RSRC1: variants seen among roughly 807,000 people sequenced by gnomAD.
RSRC1 encodes serine/Arginine-related protein 53.
In RSRC1, 39 loss-of-function variants were observed where a neutral mutation model predicts 49.1. The observed-to-expected ratio is 0.79, with a 90% CI of 0.61 to 1.04. RSRC1 has a LOEUF of 1.04. Among genes scored for constraint, RSRC1 ranks in the 50% least tolerant of loss-of-function variants. The pLI is 0.00. For missense variants in RSRC1, 388 were observed against 402.4 expected, an observed-to-expected ratio of 0.96 and a Z score of 0.31; for synonymous variants, 143 against 130.8, an observed-to-expected ratio of 1.09 and a Z score of -0.63.
chr3:158,294,033 A>G (rs1368766125), intron 4 of RSRC1, among the ~76,000 whole-genome samples: 12 of 152,226 alleles, frequency 7.9e-5, no homozygotes, highest in South Asian at 2.1e-4. Context: ...TCAGCACTCT[A>G]TGTGCCCTTT....
chr3:158,433,502 G>A (rs564302141), intron 6 of RSRC1, among the ~76,000 whole-genome samples: 11 of 152,100 alleles, frequency 7.2e-5, no homozygotes, highest in Admixed American at 2.6e-4. Context: ...AAACTGGTGA[G>A]GCTGCTCTTG....
At chr3:158,252,732 G>A (rs779825199) in intron 4 of RSRC1, among the ~76,000 whole-genome samples, 2 of 152,146 alleles carry the variant, frequency 1.3e-5, no homozygotes, top group South Asian at 4.1e-4. Context: ...TCTTTACCGG[G>A]AGACTTTTTA....
intron 6 of RSRC1, among the ~76,000 whole-genome samples, chr3:158,456,607 G>C (rs944429117): frequency 3.9e-5 from 6 of 152,154 alleles, no homozygotes; most frequent in Non-Finnish European, 7.3e-5. Context: ...TATCCACTTG[G>C]GGACAAAGGT....
Position 158,454,038 on chromosome 3 carries a change from TCA to T in RSRC1, c.584-6894_584-6893del, listed in dbSNP as rs906980522. Among the ~76,000 whole-genome samples the T allele has an allele frequency of 7.0e-4, 107 of 152,230 alleles. 1 individual carries two copies. The highest frequency in any genetic ancestry group is 2.5e-3 in the African/African-American group (102 of 41,520). On this transcript the variant is annotated intron_variant, in intron 6 of 9. Transcript: ENST00000611884. ...ATGCTTTTTGGTATTTCTTGGTATT[TCA>T]CAGTTTCACCACAATTTGCTTATGT...
intron 6 of RSRC1, among the ~76,000 whole-genome samples, chr3:158,396,586 T>C (rs1345984321): frequency 6.6e-6 from 1 of 152,118 alleles, no homozygotes; most frequent in Non-Finnish European, 1.5e-5. Context: ...CATCACAATA[T>C]TTTTAAGTCA....
chr3:158,412,243 A>G (rs1734501469), intron 6 of RSRC1, among the ~76,000 whole-genome samples: 1 of 152,178 alleles, frequency 6.6e-6, no homozygotes, highest in Non-Finnish European at 1.5e-5. Flanking sequence ...GGAGAAAACT[A>G]GAGGAAGAAG....
At chr3:158,157,852 T>C (rs1323649390) in intron 3 of RSRC1, among the ~76,000 whole-genome samples, 1 of 151,904 alleles carries the variant, frequency 6.6e-6, no homozygotes, top group Non-Finnish European at 1.5e-5. Flanking sequence ...GAGGTGGAGG[T>C]TGTGATGATC....
chr3:158,349,821 C>T (rs1023026818), intron 5 of RSRC1, among the ~76,000 whole-genome samples: 1 of 151,020 alleles, frequency 6.6e-6, no homozygotes, highest in Non-Finnish European at 1.5e-5. Context: ...CCTCAACCTC[C>T]TGAGTAACTG....
chr3:158,328,772 G>T (rs1017342052), intron 5 of RSRC1, among the ~76,000 whole-genome samples: 5 of 152,128 alleles, frequency 3.3e-5, no homozygotes, highest in African/African-American at 9.7e-5. Flanking sequence ...TCCTGAATTT[G>T]AATGTTGGCC....
intron 5 of RSRC1, among the ~76,000 whole-genome samples, chr3:158,345,249 A>G (rs1730485380): frequency 6.6e-6 from 1 of 151,956 alleles, no homozygotes; most frequent in Non-Finnish European, 1.5e-5. Flanking sequence ...AATCCAATCT[A>G]AGAGAAGGCA....
chr3:158,210,408 A>G (rs1377418816), intron 4 of RSRC1, among the ~76,000 whole-genome samples: 1 of 151,344 alleles, frequency 6.6e-6, no homozygotes, highest in Non-Finnish European at 1.5e-5. Context: ...CCAGTGGCGA[A>G]GGGTAAATGT....
rs529226630 is a variant in RSRC1, at chr3:158,141,240, T to A, written c.320+17249T>A. Among the ~76,000 whole-genome samples, 5 of 152,296 alleles carry A rather than the reference T, an allele frequency of 3.3e-5. No individual in the cohort carries two copies. The South Asian group carries it at 1.0e-3, about 32-fold the overall frequency. On this transcript the variant is annotated intron_variant, in intron 3 of 9. Transcript: ENST00000611884. Reference sequence around the variant, plus strand: ...TGCTTTATCCAAAGGATGGAGAAAATTCCAGTTTTTTTGGATCATGGCAGG... The same window carrying A: ...TGCTTTATCCAAAGGATGGAGAAAAATCCAGTTTTTTTGGATCATGGCAGG...
intron 4 of RSRC1, among the ~76,000 whole-genome samples, chr3:158,208,928 A>C (rs1721502971): frequency 6.6e-6 from 1 of 152,116 alleles, no homozygotes; most frequent in Non-Finnish European, 1.5e-5. Flanking sequence ...CTACATCTTG[A>C]TCCAAACTGC....
chr3:158,123,738 C>A, intron 2 of RSRC1, 128 bp from the exon 3 acceptor site: 2 of 793,610 alleles, frequency 2.5e-6, no homozygotes, highest in Non-Finnish European at 3.9e-6. Context: ...TTTAATTTAT[C>A]TCTGTTTGCT....
At chr3:158,457,922 T>C (rs1051598768) in intron 6 of RSRC1, among the ~76,000 whole-genome samples, 1 of 152,236 alleles carries the variant, frequency 6.6e-6, no homozygotes, top group Non-Finnish European at 1.5e-5. Flanking sequence ...TGTGAGACTT[T>C]AATATATTTA....
chr3:158,519,074 A>G (rs1262571778), intron 7 of RSRC1, among the ~76,000 whole-genome samples: 2 of 152,118 alleles, frequency 1.3e-5, no homozygotes, highest in African/African-American at 2.4e-5. Flanking sequence ...GAACTCAACT[A>G]CACCCATTCA....
At chr3:158,436,794 A>G (rs963015394) in intron 6 of RSRC1, among the ~76,000 whole-genome samples, 21 of 151,988 alleles carry the variant, frequency 1.4e-4, no homozygotes, top group African/African-American at 4.3e-4. Flanking sequence ...CTATAATACT[A>G]TTGTGAGTGG....
In RSRC1 at chr3:158,351,052, G is replaced by A. The variant is rs189259028; in HGVS notation, c.532-3805G>A. Among the ~76,000 whole-genome samples, 4 of 151,970 alleles carry A rather than the reference G, an allele frequency of 2.6e-5. 1 individual carries two copies. The highest frequency in any genetic ancestry group is 9.7e-5 in the African/African-American group (4 of 41,338). On this transcript the variant is annotated intron_variant, in intron 5 of 9. Transcript: ENST00000611884. The stretch of plus-strand genomic sequence containing the variant: ...ACTATAGATAGCAGTCACAATGAAG[G>A]CAACATAAATCAGACTGCCTTCTCT...
chr3:158,537,198 G>C lies in RSRC1; in HGVS notation c.759G>C (p.Lys253Asn). 1 of 1,563,588 alleles carries C rather than the reference G, an allele frequency of 6.4e-7. No homozygotes were observed. Among genetic ancestry groups the C allele is most frequent in the Non-Finnish European group, 8.7e-7 (1 of 1,155,316 alleles). The stretch of plus-strand genomic sequence containing the variant: ...TCAGATCAAGTAAAGAAGTCAAAAA[G>C]GTAAGTTTTTATCCACCCATTATGA... ...QTFRSSKEVK[K>N]SVEPSEVKQA... Residue 253 changes from lysine to asparagine, a missense_variant and splice_region_variant, in exon 8 of 10, where the codon AAG becomes AAC. Lys to Asn is a moderately conservative substitution (Grantham distance 94). Transcript: ENST00000611884.
Sources: gnomAD v4.1 joint callset for allele counts (sites outside exome capture counted in the v4.1 genomes callset) on GRCh38, gnomAD v4.1.1 for gene constraint, MANE v1.5 for transcripts, NCBI Gene and HGNC (gene_info 2026-07-23, HGNC 2026-07-21) for gene names.